Variants in GPR149 observed in about 807,000 individuals in gnomAD.
GPR149 encodes probable G protein-coupled receptor 149.
A neutral mutation model predicts 50.2 loss-of-function variants in GPR149; 50 were observed. That is an observed-to-expected ratio of 1.00 (90% confidence interval 0.79 to 1.26). The LOEUF is 1.26. Among genes scored for constraint, GPR149 ranks in the 50% most tolerant of loss-of-function variants. GPR149 has a pLI of 0.00. For synonymous variants in GPR149, 405 were observed against 358.2 expected (o/e 1.13, Z -1.48); for missense variants, 983 against 895.4 (o/e 1.10, Z -1.25).
chr3:154,424,404 C>A (rs1203548869), intron 2 of GPR149, among the ~76,000 whole-genome samples: 1 of 151,800 alleles, frequency 6.6e-6, no homozygotes, highest in Admixed American at 6.6e-5. Flanking sequence ...TTAGCCTTGA[C>A]TCAATGATGC....
intron 3 of GPR149, among the ~76,000 whole-genome samples, chr3:154,372,715 G>C (rs189419487): frequency 6.6e-6 from 1 of 152,124 alleles, no homozygotes; most frequent in Non-Finnish European, 1.5e-5. Flanking sequence ...AGAAATAGTG[G>C]CTATAATGAG....
intron 1 of GPR149, among the ~76,000 whole-genome samples, chr3:154,428,071 C>T (rs560402070): frequency 6.6e-6 from 1 of 152,330 alleles, no homozygotes. Context: ...CCCTCACCTC[C>T]GCCCATGCGC....
rs1262291021 is a variant in GPR149 at position 154,337,315 on chromosome 3, C to T, written c.*384G>A. Among the ~76,000 whole-genome samples the T allele has an allele frequency of 6.6e-6, 1 of 152,028 alleles. No homozygotes were observed. Among genetic ancestry groups the T allele is most frequent in the African/African-American group, 2.4e-5 (1 of 41,388 alleles). On this transcript the variant is annotated 3_prime_UTR_variant, in exon 4 of 4. Coordinates refer to ENST00000389740, the MANE Select transcript of GPR149 (RefSeq NM_001038705.3). ...ATTCCCAGAATTCCTCTTTTTTCCC[C>T]TTTGCAGTAAAGGCCAACATTGTAT...
chr3:154,364,987 G>A (rs563523202), intron 3 of GPR149, among the ~76,000 whole-genome samples: 2 of 152,204 alleles, frequency 1.3e-5, no homozygotes, highest in South Asian at 4.2e-4. Flanking sequence ...TTTTGCAGTG[G>A]CCCCACCCCA....
intron 3 of GPR149, among the ~76,000 whole-genome samples, chr3:154,382,078 G>A (rs943596584): frequency 6.6e-6 from 1 of 152,138 alleles, no homozygotes; most frequent in Non-Finnish European, 1.5e-5. Context: ...ACATATCTCT[G>A]AGAGTTTTCA....
At chr3:154,366,272 A>T (rs957701909) in intron 3 of GPR149, among the ~76,000 whole-genome samples, 6 of 152,162 alleles carry the variant, frequency 3.9e-5, no homozygotes, top group African/African-American at 9.7e-5. Context: ...CATAAGACTG[A>T]TCTCCTTGAG....
Position 154,335,707 on chromosome 3 carries a change from A to T in GPR149, c.*1992T>A, listed in dbSNP as rs1353541907. 6.6e-6 allele frequency: 1 copy of T among 152,110 alleles called. No individual in the cohort carries two copies. Among genetic ancestry groups the T allele is most frequent in the Non-Finnish European group, 1.5e-5 (1 of 67,996 alleles). The allele number at this position is 152,110 out of a possible 1,614,324, so 9.4% of individuals were successfully genotyped here. ...ATTATTGTCTTCTATCTATTTCTTA[A>T]TGCTCTTTAAACCTTGATTTCTGTT... On this transcript the variant is annotated 3_prime_UTR_variant, in exon 4 of 4. Coordinates refer to ENST00000389740, the MANE Select transcript of GPR149 (RefSeq NM_001038705.3).
chr3:154,372,379 C>T (rs1245343189), intron 3 of GPR149, among the ~76,000 whole-genome samples: 1 of 152,110 alleles, frequency 6.6e-6, no homozygotes, highest in African/African-American at 2.4e-5. Flanking sequence ...TCCCTTCCGC[C>T]CTCCAAAACT....
rs1448207391 is a variant in GPR149, at chr3:154,335,745, C to G, written c.*1954G>C. On this transcript the variant is annotated 3_prime_UTR_variant, in exon 4 of 4. Coordinates refer to ENST00000389740, the MANE Select transcript of GPR149 (RefSeq NM_001038705.3). ...CTTGATTTCTGTTATAATCTCCATC[C>G]CATTCAAATTGCTGTGCAGTTATAA... 1 of 152,054 alleles carries G rather than the reference C, an allele frequency of 6.6e-6. No individual in the cohort carries two copies. Among genetic ancestry groups the G allele is most frequent in the African/African-American group, 2.4e-5 (1 of 41,408 alleles). 9.4% of individuals were successfully genotyped at this position (152,054 alleles called of 1,614,324 possible).
At chr3:154,359,156 T>C (rs1483329610) in intron 3 of GPR149, among the ~76,000 whole-genome samples, 1 of 152,162 alleles carries the variant, frequency 6.6e-6, no homozygotes, top group Non-Finnish European at 1.5e-5. Context: ...CTTTAGAAAA[T>C]TCTGTGATAC....
chr3:154,341,355 G>C (rs1713797476), intron 3 of GPR149, among the ~76,000 whole-genome samples: 1 of 125,452 alleles, frequency 8.0e-6, no homozygotes, highest in African/African-American at 3.0e-5. Context: ...TGAGTAGGAA[G>C]AGACATTATT....
chr3:154,425,091 G>A (rs986155478), intron 2 of GPR149, among the ~76,000 whole-genome samples: 2 of 151,878 alleles, frequency 1.3e-5, no homozygotes, highest in African/African-American at 4.8e-5. Context: ...AAACACTTTT[G>A]AGACACTAGT....
intron 3 of GPR149, among the ~76,000 whole-genome samples, chr3:154,372,703 T>C (rs1361730877): frequency 2.0e-5 from 3 of 152,162 alleles, no homozygotes; most frequent in African/African-American, 4.8e-5. Context: ...TGAGGATAGA[T>C]GAGAAATAGT....
chr3:154,382,922 T>C (rs1714963464), intron 3 of GPR149, among the ~76,000 whole-genome samples: 1 of 152,194 alleles, frequency 6.6e-6, no homozygotes, highest in African/African-American at 2.4e-5. Flanking sequence ...TTTTGATGAC[T>C]TGGTCTGTTT....
In GPR149 at chr3:154,338,061, C is replaced by T; in HGVS notation, c.1834G>A (p.Asp612Asn). The T allele has an allele frequency of 6.2e-7, 1 of 1,614,172 alleles. No individual in the cohort carries two copies. ...NSEDSSSTFV[D>N]TSVKIHLEVL... ...TCCAAGTGTATTTTCACACTGGTGT[C>T]CACAAACGTGGATGAAGAATCTTCT... Residue 612 changes from aspartate to asparagine, a missense_variant, in exon 4 of 4, where the codon GAC becomes AAC. Asp to Asn is a conservative substitution (Grantham distance 23, BLOSUM62 1). Transcript: ENST00000389740.
intron 3 of GPR149, among the ~76,000 whole-genome samples, chr3:154,358,095 A>T (rs547159479): frequency 6.6e-6 from 1 of 151,706 alleles, no homozygotes; most frequent in East Asian, 1.9e-4. Context: ...AACAATGAGA[A>T]CACATGGACA....
intron 3 of GPR149, among the ~76,000 whole-genome samples, chr3:154,386,656 C>T (rs1237541483): frequency 6.6e-6 from 1 of 152,112 alleles, no homozygotes; most frequent in Non-Finnish European, 1.5e-5. Context: ...CTAGAACCTG[C>T]CTTAGGGAGA....
chr3:154,369,254 CT>C (rs1306652008), intron 3 of GPR149, among the ~76,000 whole-genome samples: 1 of 152,198 alleles, frequency 6.6e-6, no homozygotes, highest in Non-Finnish European at 1.5e-5. Context: ...GGCTGATTTT[CT>C]TCTGTACCAC....
intron 3 of GPR149, among the ~76,000 whole-genome samples, chr3:154,363,679 C>T (rs1714466681): frequency 6.6e-6 from 1 of 152,116 alleles, no homozygotes; most frequent in Non-Finnish European, 1.5e-5. Flanking sequence ...TGGATAGAGT[C>T]CATGACAGGA....
Sources: allele counts gnomAD v4.1 joint callset (sites outside exome capture counted in the v4.1 genomes callset), GRCh38; gene constraint gnomAD v4.1.1; transcripts MANE v1.5; gene names NCBI Gene and HGNC (gene_info 2026-07-23, HGNC 2026-07-21).